Variants in ADCY5 observed in about 807,000 individuals in gnomAD.
ADCY5 encodes the protein adenylate cyclase type 5.
A neutral mutation model predicts 119.7 loss-of-function variants in ADCY5; 30 were observed. The observed-to-expected ratio is 0.25, with a 90% CI of 0.19 to 0.34. The LOEUF is 0.34. Among genes scored for constraint, ADCY5 ranks in the 10% least tolerant of loss-of-function variants. ADCY5 has a pLI of 1.00. For synonymous variants in ADCY5, 753 were observed against 762.2 expected, an observed-to-expected ratio of 0.99 and a Z score of 0.20; for missense variants, 1,324 against 1,775.2, an observed-to-expected ratio of 0.75 and a Z score of 4.57.
chr3:123,341,476 G>C (rs1367937445), intron 3 of ADCY5, among the ~76,000 whole-genome samples: 1 of 151,980 alleles, frequency 6.6e-6, no homozygotes, highest in Non-Finnish European at 1.5e-5. Flanking sequence ...GGAGCTTGGG[G>C]GAGGGAGGAT....
intron 1 of ADCY5, chr3:123,416,130 A>G: frequency 6.5e-7 from 1 of 1,531,254 alleles, no homozygotes; most frequent in Non-Finnish European, 8.8e-7. Context: ...GAGAAGGAGA[A>G]TCAGCAGAAA....
At chr3:123,385,839 T>C (rs1441804150) in intron 1 of ADCY5, among the ~76,000 whole-genome samples, 3 of 152,192 alleles carry the variant, frequency 2.0e-5, no homozygotes, top group African/African-American at 7.2e-5. Flanking sequence ...CCTCTCTCTA[T>C]AGTCTACAAA....
intron 8 of ADCY5, among the ~76,000 whole-genome samples, chr3:123,324,403 ACC>A (rs1941367964): frequency 1.6e-5 from 2 of 122,160 alleles, no homozygotes; most frequent in Admixed American, 8.7e-5. Flanking sequence ...CCACACAGAA[ACC>A]ACACACACAC....
rs938768904 is a variant in ADCY5, at chr3:123,421,552, G to A, written c.1134+25860C>T. On this transcript the variant is annotated intron_variant, in intron 1 of 20. Coordinates refer to ENST00000462833, the MANE Select transcript of ADCY5 (RefSeq NM_183357.3). ...TATGACCATCAGATTGAGCCATGGGGAGTTCTCACAGGGCAATTGCTCCCT... is the reference window on the plus strand; with the variant it reads ...TATGACCATCAGATTGAGCCATGGGAAGTTCTCACAGGGCAATTGCTCCCT... Among the ~76,000 whole-genome samples, 3 of 152,246 alleles carry A rather than the reference G, an allele frequency of 2.0e-5. No individual in the cohort carries two copies. In the Middle Eastern group the frequency reaches 0.01, roughly 518 times the overall value.
intron 1 of ADCY5, chr3:123,368,148 C>T (rs1378803): frequency 0.99 from 969,186 of 978,036 alleles, 480,719 homozygotes; most frequent in East Asian, 1. Flanking sequence ...ATGCAACCTA[C>T]AGGAATCTGA....
chr3:123,325,567 G>A, intron 7 of ADCY5, 105 bp from the exon 8 acceptor site: 1 of 1,443,560 alleles, frequency 6.9e-7, no homozygotes, highest in South Asian at 1.2e-5. Flanking sequence ...TAAGGCAGCT[G>A]CCCTTTCCTC....
At chr3:123,292,939 G>A (rs1425301810) in intron 17 of ADCY5, among the ~76,000 whole-genome samples, 4 of 152,198 alleles carry the variant, frequency 2.6e-5, no homozygotes, top group East Asian at 3.8e-4. Flanking sequence ...CAGACAGAGT[G>A]GAGGTGGAAG....
intron 1 of ADCY5, among the ~76,000 whole-genome samples, chr3:123,408,970 A>G (rs144534965): frequency 0.024 from 3,678 of 152,268 alleles, 129 homozygotes; most frequent in African/African-American, 0.083. Context: ...GTGAGACTCT[A>G]ACTCAAAAAA....
intron 1 of ADCY5, among the ~76,000 whole-genome samples, chr3:123,439,252 C>T (rs969900614): frequency 1.9e-4 from 29 of 151,428 alleles, no homozygotes; most frequent in Admixed American, 1.3e-4. Flanking sequence ...TTAGTAGAGA[C>T]GGGGTTTCAC....
chr3:123,289,520 T>C (rs1223507143), intron 19 of ADCY5, among the ~76,000 whole-genome samples: 2 of 152,238 alleles, frequency 1.3e-5, no homozygotes, highest in East Asian at 3.9e-4. Flanking sequence ...GTGGCCCTCA[T>C]GTCAAAAGGC....
chr3:123,353,457 T>C (rs1459387349), intron 1 of ADCY5, among the ~76,000 whole-genome samples: 1 of 152,170 alleles, frequency 6.6e-6, no homozygotes, highest in Admixed American at 6.5e-5. Flanking sequence ...ATGGGTCCTG[T>C]TGTTGTCCTT....
At position 123,380,357 on chromosome 3, in the gene ADCY5, G is replaced by A. The variant is rs182241352; in HGVS notation, c.1135-27776C>T. Among the ~76,000 whole-genome samples, 180 of 152,334 alleles carry A rather than the reference G, an allele frequency of 1.2e-3. 1 individual carries two copies. The highest frequency in any genetic ancestry group is 7.8e-4 in the Admixed American group (12 of 15,304). ...CACAACCAAGCCCTGAGTAGCTGGC[G>A]TTTGGAGGCTTTTAGATCCTGGGCT... is the stretch of plus-strand genomic sequence containing the variant. On this transcript the variant is annotated intron_variant, in intron 1 of 20. Transcript: ENST00000462833.
intron 17 of ADCY5, among the ~76,000 whole-genome samples, chr3:123,295,571 C>G (rs1413367957): frequency 6.6e-6 from 1 of 152,224 alleles, no homozygotes; most frequent in Non-Finnish European, 1.5e-5. Context: ...CAGTCCATCC[C>G]CTCTGGAGAA....
intron 12 of ADCY5, among the ~76,000 whole-genome samples, chr3:123,313,004 C>G (rs6787408): frequency 0.98 from 149,929 of 152,274 alleles, 73,849 homozygotes; most frequent in East Asian, 1. Flanking sequence ...GGTCAGTGGA[C>G]AGGCAGGGAA....
chr3:123,315,645 G>A (rs566348375), intron 11 of ADCY5, among the ~76,000 whole-genome samples: 2 of 151,662 alleles, frequency 1.3e-5, no homozygotes, highest in African/African-American at 2.4e-5. Context: ...GTGTGATCTC[G>A]GCTCACTGCA....
At chr3:123,290,186 A>C (rs1939055692) in intron 18 of ADCY5, among the ~76,000 whole-genome samples, 1 of 151,528 alleles carries the variant, frequency 6.6e-6, no homozygotes, top group African/African-American at 2.4e-5. Flanking sequence ...CTACCTGCCC[A>C]CCCTCACGCC....
In ADCY5 at chr3:123,319,594, G is replaced by A. The variant is rs1367816259; in HGVS notation, c.2256+80C>T. The A allele has an allele frequency of 3.2e-6, 5 of 1,552,736 alleles. No individual in the cohort carries two copies. The Admixed American group carries it at 7.0e-5, about 22-fold the overall frequency. On this transcript the variant is annotated intron_variant, in intron 10 of 20. Coordinates refer to ENST00000462833, the MANE Select transcript of ADCY5 (RefSeq NM_183357.3). ...CCTTCCGTGGTGCTGGGGGCATGAG[G>A]GAGCCCTCCTGTTTTCTTGCCCTCC... is the stretch of plus-strand genomic sequence containing the variant.
intron 3 of ADCY5, among the ~76,000 whole-genome samples, chr3:123,337,610 C>A (rs951584901): frequency 6.6e-6 from 1 of 152,232 alleles, no homozygotes; most frequent in African/African-American, 2.4e-5. Context: ...TTGGTCCTCA[C>A]CAGGACTTCT....
At chr3:123,294,685 T>C (rs78301094) in intron 17 of ADCY5, among the ~76,000 whole-genome samples, 3,000 of 152,270 alleles carry the variant, frequency 0.02, 95 homozygotes, top group African/African-American at 0.064. Context: ...ACAGAGGACC[T>C]GTGCACAGGA....
Sources: gnomAD v4.1 joint callset for allele counts (sites outside exome capture counted in the v4.1 genomes callset) on GRCh38, gnomAD v4.1.1 for gene constraint, MANE v1.5 for transcripts, NCBI Gene and HGNC (gene_info 2026-07-23, HGNC 2026-07-21) for gene names.